OSBPL9: variants seen among roughly 807,000 people sequenced by gnomAD.
The protein encoded by OSBPL9 is oxysterol binding protein like 9.
Under a neutral mutation model 106.6 loss-of-function variants are expected in OSBPL9, and 40 were observed. The observed-to-expected ratio is 0.38, with a 90% CI of 0.29 to 0.49. The LOEUF is 0.49. OSBPL9 is among the 20% of genes least tolerant of loss of function. OSBPL9 has a pLI of 0.97. For synonymous variants in OSBPL9, 269 were observed against 295.4 expected (o/e 0.91, Z 0.92); for missense variants, 609 against 887.2 (o/e 0.69, Z 3.98).
rs369564026 is a variant in OSBPL9 at position 51,728,980 on chromosome 1, G to A, written c.318+14901G>A. 8.5e-5 allele frequency among the ~76,000 whole-genome samples: 13 copies of A among 152,324 alleles called. No homozygotes were observed. In the East Asian group the frequency reaches 2.5e-3, roughly 29 times the overall value. On this transcript the variant is annotated intron_variant, in intron 4 of 23. Coordinates refer to ENST00000428468, the MANE Select transcript of OSBPL9 (RefSeq NM_024586.6). Reference sequence around the variant, plus strand: ...ACCATAAGAAAAACCAGCAAGAGCGGAAAAGGAGCTAGTCCTCCAGATCAA... The same window carrying A: ...ACCATAAGAAAAACCAGCAAGAGCGAAAAAGGAGCTAGTCCTCCAGATCAA...
At chr1:51,549,831 T>TCAAAA in the OSBPL9 span, among the ~76,000 whole-genome samples, 1 of 152,198 alleles carries the variant, frequency 6.6e-6, no homozygotes, top group Non-Finnish European at 1.5e-5. Flanking sequence ...AGACTCTGTC[T>TCAAAA]CAAAACAAAA....
At chr1:51,594,633 G>T (rs918666181) in intron 1 of OSBPL9, among the ~76,000 whole-genome samples, 2 of 152,200 alleles carry the variant, frequency 1.3e-5, no homozygotes, top group Admixed American at 1.3e-4. Flanking sequence ...AATCTTGCAA[G>T]ATCCGTATTG....
chr1:51,644,045 A>C (rs1461572123), intron 1 of OSBPL9, among the ~76,000 whole-genome samples: 10 of 134,680 alleles, frequency 7.4e-5, no homozygotes, highest in Admixed American at 7.0e-4. Context: ...GTGCCACTGC[A>C]CTCCAGCCTG....
At chr1:51,713,039 C>G (rs1479260917) in intron 3 of OSBPL9, among the ~76,000 whole-genome samples, 2 of 152,238 alleles carry the variant, frequency 1.3e-5, no homozygotes, top group Non-Finnish European at 2.9e-5. Context: ...GGGGTCCCAA[C>G]TAGAACATGG....
At chr1:51,734,237 C>CT (rs1253035110) in intron 4 of OSBPL9, among the ~76,000 whole-genome samples, 2 of 152,176 alleles carry the variant, frequency 1.3e-5, no homozygotes, top group Non-Finnish European at 2.9e-5. Context: ...AACTTGGCTT[C>CT]TTTGCTGTAT....
intron 3 of OSBPL9, among the ~76,000 whole-genome samples, chr1:51,701,660 T>A (rs1657282750): frequency 6.6e-6 from 1 of 152,170 alleles, no homozygotes; most frequent in Non-Finnish European, 1.5e-5. Flanking sequence ...TGTTTTTTTT[T>A]TATACTTTTA....
At chr1:51,644,395 C>T (rs1418680503) in intron 1 of OSBPL9, among the ~76,000 whole-genome samples, 2 of 152,018 alleles carry the variant, frequency 1.3e-5, no homozygotes, top group African/African-American at 4.8e-5. Flanking sequence ...GGCGCAATCT[C>T]GGCTCACTGC....
chr1:51,721,469 G>A lies in OSBPL9; in HGVS notation c.318+7390G>A, dbSNP rs188920553. Among the ~76,000 whole-genome samples the A allele has an allele frequency of 2.6e-5, 4 of 152,006 alleles. No homozygotes were observed. The East Asian group carries it at 5.8e-4, about 22-fold the overall frequency. ...ATAATTACATGTCTGCCCAACTTTC[G>A]TTATAGATTAACATAACTTAATTGT... On this transcript the variant is annotated intron_variant, in intron 4 of 23. Transcript: ENST00000428468.
intron 4 of OSBPL9, among the ~76,000 whole-genome samples, chr1:51,722,124 T>A (rs1353352448): frequency 6.6e-6 from 1 of 151,950 alleles, no homozygotes; most frequent in Non-Finnish European, 1.5e-5. Context: ...AGTTTAAGAG[T>A]AGCTTGGTCA....
chr1:51,649,156 G>GAAAC (rs1646351218), intron 1 of OSBPL9, among the ~76,000 whole-genome samples: 1 of 152,006 alleles, frequency 6.6e-6, no homozygotes, highest in African/African-American at 2.4e-5. Flanking sequence ...TCCCAGGATG[G>GAAAC]AGTGCAGCAG....
chr1:51,685,702 C>T (rs1653639043), intron 3 of OSBPL9, among the ~76,000 whole-genome samples: 1 of 152,158 alleles, frequency 6.6e-6, no homozygotes, highest in South Asian at 2.1e-4. Context: ...CCGGCCCCTA[C>T]TATGATTATC....
chr1:51,639,647 A>G (rs1024831853), intron 1 of OSBPL9, among the ~76,000 whole-genome samples: 5 of 152,122 alleles, frequency 3.3e-5, no homozygotes, highest in Non-Finnish European at 2.9e-5. Context: ...GGCATGCTGT[A>G]TATTAATAAG....
chr1:51,653,185 T>C (rs1325166966), intron 2 of OSBPL9, among the ~76,000 whole-genome samples: 1 of 151,796 alleles, frequency 6.6e-6, no homozygotes, highest in African/African-American at 2.4e-5. Context: ...AAAATTCAAC[T>C]TCTAGTTTTT....
At chr1:51,742,892 C>G (rs902791482) in intron 4 of OSBPL9, among the ~76,000 whole-genome samples, 2 of 152,136 alleles carry the variant, frequency 1.3e-5, no homozygotes, top group African/African-American at 4.8e-5. Context: ...TTTCTCATCT[C>G]ATGAGATACT....
At chr1:51,641,717 C>T (rs752063414) in intron 1 of OSBPL9, among the ~76,000 whole-genome samples, 1 of 152,174 alleles carries the variant, frequency 6.6e-6, no homozygotes, top group Non-Finnish European at 1.5e-5. Flanking sequence ...TTGATTATAT[C>T]ACCAACTATT....
rs747872945 is a variant in OSBPL9 at position 51,729,917 on chromosome 1, C to T, written c.319-15619C>T. 7.7e-7 allele frequency: 1 copy of T among 1,293,980 alleles called. No individual in the cohort carries two copies. The highest frequency in any genetic ancestry group is 9.9e-7 in the Non-Finnish European group (1 of 1,012,900). The allele number at this position is 1,293,980 out of a possible 1,614,324, so 80.2% of individuals were successfully genotyped here. On this transcript the variant is annotated intron_variant, in intron 4 of 23. Transcript: ENST00000428468. The surrounding 1 kb of genome is among the most constrained non-coding windows in gnomAD (Gnocchi z 5.1). ...GTCGAGGGGAGAAGAAAAAGGGGTG[C>T]TCGGGAGCAGCCCCCGGCTACCTCC...
chr1:51,751,427 T>A lies in OSBPL9; in HGVS notation c.543+1232T>A, dbSNP rs190884885. ...GTTCTGTTTCTAGATGTTAGTGATA[T>A]CTAGATTTCCTATGTATGTGTCTAA... is the stretch of plus-strand genomic sequence containing the variant. On this transcript the variant is annotated intron_variant, in intron 8 of 23. Transcript: ENST00000428468. Among the ~76,000 whole-genome samples the A allele has an allele frequency of 2.6e-5, 4 of 152,264 alleles. No homozygotes were observed. The East Asian group carries it at 7.7e-4, about 29-fold the overall frequency.
intron 2 of OSBPL9, among the ~76,000 whole-genome samples, chr1:51,600,351 G>A (rs1645320732): frequency 2.6e-5 from 4 of 152,234 alleles, no homozygotes; most frequent in South Asian, 2.1e-4. Context: ...TACCAACTGC[G>A]TGATCCTGAG....
chr1:51,741,203 A>G (rs1666820057), intron 4 of OSBPL9, among the ~76,000 whole-genome samples: 1 of 152,144 alleles, frequency 6.6e-6, no homozygotes, highest in South Asian at 2.1e-4. Context: ...GCAGTTTGAT[A>G]TTCTTCTACA....
Sources: gnomAD v4.1 joint callset for allele counts (sites outside exome capture counted in the v4.1 genomes callset) on GRCh38, gnomAD v4.1.1 for gene constraint, Gnocchi (gnomAD v3.1) non-coding constraint, MANE v1.5 for transcripts, NCBI Gene and HGNC (gene_info 2026-07-23, HGNC 2026-07-21) for gene names.